The following RP1 variants were observed in gnomAD, a reference collection of about 807,000 sequenced individuals.
The protein encoded by RP1 is RP1 axonemal microtubule associated.
In RP1, 16 loss-of-function variants were observed where a neutral mutation model predicts 14.8. That is an observed-to-expected ratio of 1.08 (90% confidence interval 0.73 to 1.65). The LOEUF is 1.65. Ranked by LOEUF, RP1 falls within the 40% of genes most tolerant of loss-of-function variation. RP1 has a pLI of 0.00. For synonymous variants in RP1, 876 were observed against 883.6 expected (o/e 0.99, Z 0.15); for missense variants, 2,631 against 2,535.0 (o/e 1.04, Z -0.81).
At chr8:54,620,275 A>G (rs1805822404) in intron 1 of RP1, among the ~76,000 whole-genome samples, 1 of 152,230 alleles carries the variant, frequency 6.6e-6, no homozygotes, top group South Asian at 2.1e-4. Flanking sequence ...TAAGATTATA[A>G]TACCATATTT....
chr8:54,733,420 CATTCT>C (rs1184267294), intron 17 of RP1, among the ~76,000 whole-genome samples: 4 of 152,150 alleles, frequency 2.6e-5, no homozygotes, highest in Admixed American at 6.5e-5. Context: ...TTACTCAGCA[CATTCT>C]AGAGAAAGAA....
chr8:54,606,688 C>G (rs866742731), intron 1 of RP1, among the ~76,000 whole-genome samples: 1 of 152,190 alleles, frequency 6.6e-6, no homozygotes, highest in Non-Finnish European at 1.5e-5. Flanking sequence ...ACCAATCAGA[C>G]GTAGATTTGG....
intron 24 of RP1, among the ~76,000 whole-genome samples, chr8:54,819,898 G>A (rs1356739436): frequency 6.6e-6 from 1 of 152,102 alleles, no homozygotes; most frequent in East Asian, 1.9e-4. Flanking sequence ...TCTCAGCTGG[G>A]AATGTGCAAG....
intron 1 of RP1, among the ~76,000 whole-genome samples, chr8:54,580,482 T>C (rs1313158893): frequency 1.3e-5 from 2 of 149,708 alleles, no homozygotes; most frequent in East Asian, 2.0e-4. Context: ...AATTTTTGTA[T>C]TTTTAGTAGA....
intron 19 of RP1, among the ~76,000 whole-genome samples, chr8:54,752,088 A>G (rs1165666731): frequency 3.3e-5 from 5 of 152,212 alleles, no homozygotes; most frequent in Non-Finnish European, 7.3e-5. Context: ...ACATTGTCTT[A>G]GGTTCTTGGA....
At position 54,629,062 on chromosome 8, in the gene RP1, A is replaced by T. The variant is rs1413967537; in HGVS notation, c.5180A>T (p.Asp1727Val). ...GTAGAACCTGGTACAAAACAAAATG[A>T]TGATAGCAGAATCCTCACAGACATA... ...DIVEPGTKQNDDSRILTDIEE... is the reference protein window; with the variant it reads ...DIVEPGTKQNVDSRILTDIEE... Residue 1727 changes from aspartate (D) to valine (V), a missense_variant, in exon 4 of 4, where the codon GAT (aspartate) becomes GTT (valine). Coordinates refer to ENST00000220676, the MANE Select transcript of RP1 (RefSeq NM_006269.2). The T allele has an allele frequency of 3.7e-6, 6 of 1,614,002 alleles. No homozygotes were observed. Among genetic ancestry groups the T allele is most frequent in the Non-Finnish European group, 5.1e-6 (6 of 1,179,978 alleles).
At chr8:54,605,796 G>A (rs1415203836) in intron 1 of RP1, among the ~76,000 whole-genome samples, 3 of 152,090 alleles carry the variant, frequency 2.0e-5, no homozygotes, top group Non-Finnish European at 2.9e-5. Flanking sequence ...TTATGTAATG[G>A]CCTTCTTTGT....
At chr8:54,699,503 G>A in exon 13 of RP1, 1 of 1,401,540 alleles carries the variant, frequency 7.1e-7, no homozygotes, top group East Asian at 2.6e-5. Flanking sequence ...AGAAATATAT[G>A]CATTTTCCAA....
At chr8:54,608,740 A>C (rs1805520601) in intron 1 of RP1, among the ~76,000 whole-genome samples, 1 of 152,218 alleles carries the variant, frequency 6.6e-6, no homozygotes, top group Non-Finnish European at 1.5e-5. Context: ...TTGCTATCCT[A>C]ATAACAATAG....
intron 3 of RP1, chr8:54,648,851 T>C (rs1232525422): frequency 5.8e-6 from 3 of 513,286 alleles, no homozygotes; most frequent in Non-Finnish European, 9.8e-6. Flanking sequence ...TCTTCTGTTA[T>C]GGCACTTTTT....
intron 1 of RP1, among the ~76,000 whole-genome samples, chr8:54,563,443 A>C (rs1435606175): frequency 6.6e-6 from 1 of 152,172 alleles, no homozygotes; most frequent in African/African-American, 2.4e-5. Context: ...TGTAGATAAA[A>C]TATCTCCCTT....
At chr8:54,676,127 G>A (rs147980668) in intron 8 of RP1, among the ~76,000 whole-genome samples, 69 of 152,188 alleles carry the variant, frequency 4.5e-4, no homozygotes, top group Non-Finnish European at 9.0e-4. Context: ...TGGGTCTTAG[G>A]TTCCAATAGA....
chr8:54,602,037 C>T (rs975652301), intron 1 of RP1, among the ~76,000 whole-genome samples: 1 of 151,946 alleles, frequency 6.6e-6, no homozygotes, highest in Non-Finnish European at 1.5e-5. Context: ...ACTGAATCAT[C>T]CATTTTTTTA....
chr8:54,855,574 G>A (rs755555489), intron 26 of RP1, among the ~76,000 whole-genome samples: 9 of 152,176 alleles, frequency 5.9e-5, no homozygotes, highest in Non-Finnish European at 7.3e-5. Flanking sequence ...CACAGTGGGA[G>A]AAGATATTGT....
intron 3 of RP1, among the ~76,000 whole-genome samples, chr8:54,645,428 C>A (rs1034092348): frequency 6.6e-6 from 1 of 152,094 alleles, no homozygotes; most frequent in Admixed American, 6.6e-5. Context: ...AGTGCTCTAT[C>A]TCATTGTGGT....
Position 54,626,749 on chromosome 8 carries a change from A to G in RP1, c.2867A>G (p.Asp956Gly). The change falls in exon 4 of 4, where the codon GAT (aspartate) becomes GGT (glycine). Residue 956 changes from aspartate (D) to glycine (G), a missense_variant. Transcript: ENST00000220676. Reference sequence around the variant, plus strand: ...AGCAATAATAGTTTTTCAGGGAATGATCCCCATACAAATTCTGGAAAAATA... The same window carrying G: ...AGCAATAATAGTTTTTCAGGGAATGGTCCCCATACAAATTCTGGAAAAATA... ...NCSNNSFSGNDPHTNSGKISN... is the reference protein window; with the variant it reads ...NCSNNSFSGNGPHTNSGKISN... The G allele has an allele frequency of 1.2e-6, 2 of 1,613,936 alleles. No homozygotes were observed. Among genetic ancestry groups the G allele is most frequent in the Middle Eastern group, 1.7e-4 (1 of 6,060 alleles).
At chr8:54,650,768 T>G (rs1013644517) in intron 4 of RP1, among the ~76,000 whole-genome samples, 11 of 150,970 alleles carry the variant, frequency 7.3e-5, no homozygotes, top group Non-Finnish European at 1.5e-4. Flanking sequence ...AAATTTTTTC[T>G]TATTGCTGAA....
intron 24 of RP1, among the ~76,000 whole-genome samples, chr8:54,805,658 C>T (rs1810830285): frequency 6.6e-6 from 1 of 151,706 alleles, no homozygotes; most frequent in African/African-American, 2.4e-5. Context: ...TTAGTTATAA[C>T]ATCCTGGCGA....
intron 12 of RP1, among the ~76,000 whole-genome samples, chr8:54,694,050 G>A (rs571230996): frequency 6.6e-6 from 1 of 152,232 alleles, no homozygotes; most frequent in Admixed American, 6.5e-5. Flanking sequence ...TTTTGCCAAA[G>A]GCCTTTTCTG....
Sources: allele counts gnomAD v4.1 joint callset (sites outside exome capture counted in the v4.1 genomes callset), GRCh38; gene constraint gnomAD v4.1.1; transcripts MANE v1.5; gene names NCBI Gene and HGNC (gene_info 2026-07-23, HGNC 2026-07-21).